The following ZNF516 variants were observed in gnomAD, a reference collection of about 807,000 sequenced individuals.
The protein encoded by ZNF516 is zinc finger protein 516.
Under a neutral mutation model 79.7 loss-of-function variants are expected in ZNF516, and 19 were observed. The observed-to-expected ratio is 0.24, with a 90% CI of 0.17 to 0.35. ZNF516 has a LOEUF of 0.35. ZNF516 is among the 10% of genes least tolerant of loss of function. ZNF516 has a pLI of 1.00. For synonymous variants in ZNF516, 877 were observed against 739.5 expected, an observed-to-expected ratio of 1.19 and a Z score of -3.02; for missense variants, 1,678 against 1,679.5, an observed-to-expected ratio of 1.00 and a Z score of 0.02.
At chr18:76,456,949 G>A (rs1310444702) in intron 2 of ZNF516, among the ~76,000 whole-genome samples, 1 of 152,192 alleles carries the variant, frequency 6.6e-6, no homozygotes, top group Non-Finnish European at 1.5e-5. Flanking sequence ...TGTGAGGCTG[G>A]GTAAATCACG....
chr18:76,442,549 T>C lies in ZNF516; in HGVS notation c.506A>G (p.Glu169Gly), dbSNP rs760508131. 2 of 1,599,060 alleles carry C rather than the reference T, an allele frequency of 1.3e-6. No homozygotes were observed. The highest frequency in any genetic ancestry group is 1.1e-5 in the South Asian group (1 of 91,046). The change falls in exon 3 of 7, where the codon GAG becomes GGG. Residue 169 changes from glutamate (E) to glycine (G), a missense_variant. Coordinates refer to ENST00000443185, the MANE Select transcript of ZNF516 (RefSeq NM_014643.4). Reference sequence around the variant, plus strand: ...GGAGCACTGGACCGCTGCCTTGGCCTCCCCCGGGGCGCATGCGGACCCCTC... The same window carrying C: ...GGAGCACTGGACCGCTGCCTTGGCCCCCCCCGGGGCGCATGCGGACCCCTC... ...GAEGSACAPG[E>G]AKAAVQCSFC...
chr18:76,471,489 T>G (rs1326840628), intron 1 of ZNF516, among the ~76,000 whole-genome samples: 1 of 152,182 alleles, frequency 6.6e-6, no homozygotes, highest in Non-Finnish European at 1.5e-5. Flanking sequence ...CTGTGAAATG[T>G]GTCATTTGTA....
chr18:76,490,876 G>A, intron 1 of ZNF516: 1 of 985,450 alleles, frequency 1.0e-6, no homozygotes, highest in Non-Finnish European at 1.2e-6. Context: ...AACGCCCACG[G>A]GCACATCTGG....
Position 76,451,976 on chromosome 18 carries a change from C to T in ZNF516, c.-157-8765G>A, listed in dbSNP as rs1234672814. On this transcript the variant is annotated intron_variant, in intron 2 of 6. Transcript: ENST00000443185. The surrounding 1 kb of genome is among the most constrained non-coding windows in gnomAD (Gnocchi z 6.0). ...GCATTCACTATTGGGAGAGTAAGTA[C>T]GGCCGATGACAGGCCTGGAGGCGGC... is the stretch of plus-strand genomic sequence containing the variant. 1.3e-5 allele frequency among the ~76,000 whole-genome samples: 2 copies of T among 152,264 alleles called. No homozygotes were observed. Among genetic ancestry groups the T allele is most frequent in the South Asian group, 2.1e-4 (1 of 4,818 alleles).
At chr18:76,403,901 G>C (rs2075265342) in intron 3 of ZNF516, among the ~76,000 whole-genome samples, 1 of 152,202 alleles carries the variant, frequency 6.6e-6, no homozygotes, top group African/African-American at 2.4e-5. Context: ...GCATACCCCT[G>C]CAACAGTCTC....
chr18:76,417,995 TA>T (rs2075454361), intron 3 of ZNF516, among the ~76,000 whole-genome samples: 1 of 152,200 alleles, frequency 6.6e-6, no homozygotes, highest in Admixed American at 6.5e-5. Context: ...TCGGTAAAAA[TA>T]AACGTCAGTT....
chr18:76,448,360 T>A (rs17059379), intron 2 of ZNF516, among the ~76,000 whole-genome samples: 42,266 of 152,208 alleles, frequency 0.28, 7,228 homozygotes, highest in East Asian at 0.47. Context: ...TTTCAACTAA[T>A]CAATCCCTTC....
At chr18:76,421,366 G>A (rs1044392971) in intron 3 of ZNF516, among the ~76,000 whole-genome samples, 1 of 152,178 alleles carries the variant, frequency 6.6e-6, no homozygotes, top group Non-Finnish European at 1.5e-5. Flanking sequence ...TGATGGAGAC[G>A]CTGTGCTGGC....
At position 76,358,945 on chromosome 18, in the gene ZNF516, G is replaced by A. The variant is rs759584611; in HGVS notation, c.*3553C>T. 1 of 152,340 alleles carries A rather than the reference G, an allele frequency of 6.6e-6. No homozygotes were observed. Among genetic ancestry groups the A allele is most frequent in the African/African-American group, 2.4e-5 (1 of 41,412 alleles). 9.4% of individuals were successfully genotyped at this position (152,340 alleles called of 1,614,324 possible). A position where few individuals can be genotyped will look rare whatever the true frequency, so the allele number is the denominator to read the frequency against. ...GTCCAAAGAACAGAGGCCGACCAGA[G>A]TTGCCAGCCTGGAGAGGCACCATGG... On this transcript the variant is annotated 3_prime_UTR_variant, in exon 7 of 7. Transcript: ENST00000443185.
At chr18:76,450,421 G>A (rs920235167) in intron 2 of ZNF516, among the ~76,000 whole-genome samples, 55 of 139,190 alleles carry the variant, frequency 4.0e-4, no homozygotes, top group African/African-American at 1.4e-3. Flanking sequence ...ACTACCTTTA[G>A]TTAACTCAAG....
chr18:76,363,335 G>T (rs939638652), intron 6 of ZNF516, among the ~76,000 whole-genome samples: 3 of 152,182 alleles, frequency 2.0e-5, no homozygotes, highest in African/African-American at 7.2e-5. Flanking sequence ...ATAAACTAAG[G>T]GACTCGTGTA....
intron 1 of ZNF516, among the ~76,000 whole-genome samples, chr18:76,472,381 T>C (rs10084073): frequency 0.095 from 14,391 of 152,042 alleles, 807 homozygotes; most frequent in African/African-American, 0.17. Context: ...TGCATTTGCA[T>C]AGGCTCACTA....
chr18:76,448,221 T>C (rs1005594930), intron 2 of ZNF516, among the ~76,000 whole-genome samples: 8 of 152,174 alleles, frequency 5.3e-5, no homozygotes, highest in African/African-American at 1.4e-4. Flanking sequence ...TGCCATACCT[T>C]TGGATATTTT....
chr18:76,419,938 CCCCACTGTGT>C (rs2075484100), intron 3 of ZNF516, among the ~76,000 whole-genome samples: 1 of 152,250 alleles, frequency 6.6e-6, no homozygotes, highest in South Asian at 2.1e-4. Context: ...AGCCAGGAGT[CCCCACTGTGT>C]GTGAGGCCCA....
At chr18:76,490,485 T>A (rs537355752) in intron 1 of ZNF516, among the ~76,000 whole-genome samples, 1 of 152,314 alleles carries the variant, frequency 6.6e-6, no homozygotes, top group East Asian at 1.9e-4. Flanking sequence ...TCAAATAACA[T>A]GCATGCCTAG....
chr18:76,389,929 G>A (rs1006666851), intron 3 of ZNF516, among the ~76,000 whole-genome samples: 4 of 152,214 alleles, frequency 2.6e-5, no homozygotes, highest in Non-Finnish European at 5.9e-5. Context: ...GTGGTCCCGA[G>A]CGATAGTGGG....
At chr18:76,474,543 C>T (rs1438681353) in intron 1 of ZNF516, among the ~76,000 whole-genome samples, 1 of 152,160 alleles carries the variant, frequency 6.6e-6, no homozygotes, top group Admixed American at 6.5e-5. Flanking sequence ...GTACCAGTGT[C>T]AAAATTTATG....
intron 3 of ZNF516, among the ~76,000 whole-genome samples, chr18:76,398,195 C>T (rs913167233): frequency 5.3e-5 from 8 of 152,304 alleles, no homozygotes; most frequent in African/African-American, 1.4e-4. Context: ...TGAAGTGAAT[C>T]GAATTCAAGT....
chr18:76,410,008 T>A (rs182467067), intron 3 of ZNF516, among the ~76,000 whole-genome samples: 2 of 152,242 alleles, frequency 1.3e-5, no homozygotes, highest in Admixed American at 1.3e-4. Flanking sequence ...TTGCACACAC[T>A]CTCTTGCCCA....
Sources: allele counts gnomAD v4.1 joint callset (sites outside exome capture counted in the v4.1 genomes callset), GRCh38; gene constraint gnomAD v4.1.1; non-coding constraint Gnocchi (gnomAD v3.1); transcripts MANE v1.5; gene names NCBI Gene and HGNC (gene_info 2026-07-23, HGNC 2026-07-21).